Variants in SPEG observed in about 807,000 individuals in gnomAD.
SPEG encodes the protein striated muscle enriched protein kinase, also known as striated muscle preferentially expressed protein kinase.
Under a neutral mutation model 300.4 loss-of-function variants are expected in SPEG, and 114 were observed. The observed-to-expected ratio is 0.38, with a 90% confidence interval of 0.33 to 0.44. The LOEUF (loss-of-function observed/expected upper bound fraction) is 0.44. SPEG is among the 20% of genes least tolerant of loss of function. SPEG has a pLI of 1.00. For missense variants in SPEG, 4,201 were observed against 4,586.2 expected (o/e 0.92, Z 2.43); for synonymous variants, 1,964 against 2,018.9 (o/e 0.97, Z 0.73).
In SPEG at chr2:219,444,863, C is replaced by A. The variant is rs1302984755; in HGVS notation, c.517C>A (p.Pro173Thr). 3 of 1,570,476 alleles carry A rather than the reference C, an allele frequency of 1.9e-6. No individual in the cohort carries two copies. The highest frequency in any genetic ancestry group is 4.5e-5 in the East Asian group (2 of 44,516). Residue 173 changes from proline to threonine, a missense_variant, in exon 3 of 41, where the codon CCC becomes ACC. Transcript: ENST00000312358. This position sits in a 1 kb window ranked among gnomAD's most constrained non-coding sequence, Gnocchi z 7.8. Reference protein sequence around the residue: ...DTLVGTSLDTPPTSVTGTSEE... With the variant: ...DTLVGTSLDTTPTSVTGTSEE... ...CCTGGTGGGCACCTCCCTGGACACA[C>A]CCCCGACCTCCGTGACAGGCACCTC...
chr2:219,491,928 A>C, intron 39 of SPEG, 59 bp downstream of exon 39: 1 of 1,460,946 alleles, frequency 6.8e-7, no homozygotes, highest in Non-Finnish European at 9.3e-7. Flanking sequence ...TCCCGGACTC[A>C]CCTTCTGCCA....
In SPEG at chr2:219,484,441, C is replaced by G. The variant is rs1039659957; in HGVS notation, c.6978C>G (p.Asn2326Lys). Residue 2326 changes from asparagine (N) to lysine (K), a missense_variant, in exon 30 of 41, where the codon AAC (asparagine) becomes AAG (lysine). Physicochemically the swap from Asn to Lys is moderately conservative, Grantham distance 94. Coordinates refer to ENST00000312358, the MANE Select transcript of SPEG (RefSeq NM_005876.5). Reference protein sequence around the residue: ...PGSSLSSSIENLESEAVFEAK... With the variant: ...PGSSLSSSIEKLESEAVFEAK... Reference sequence around the variant, plus strand: ...GCAGTCTCAGTAGCAGCATCGAAAACTTGGAGTCGGAGGCCGTGTTCGAGG... The same window carrying G: ...GCAGTCTCAGTAGCAGCATCGAAAAGTTGGAGTCGGAGGCCGTGTTCGAGG... The G allele has an allele frequency of 2.5e-6, 4 of 1,611,424 alleles. No homozygotes were observed. The African/African-American group carries it at 5.3e-5, about 22-fold the overall frequency.
chr2:219,435,317 C>G lies in SPEG; in HGVS notation c.340C>G (p.Arg114Gly). 6.5e-7 allele frequency: 1 copy of G among 1,535,260 alleles called. No homozygotes were observed. Among genetic ancestry groups the G allele is most frequent in the Non-Finnish European group, 8.7e-7 (1 of 1,148,106 alleles). Residue 114 changes from arginine to glycine, a missense_variant, in exon 1 of 41, where the codon CGG (arginine) becomes GGG (glycine). Physicochemically the swap from Arg to Gly is moderately radical, Grantham distance 125. Around this residue, in one of 4 missense-constraint regions of SPEG, gnomAD observed 1,258 missense variants for 1,293.9 expected, o/e 0.97. Transcript: ENST00000312358. The part of the protein sequence containing the change: ...GVYSCMAQNE[R>G]GRASCEAVLT... ...GTACAGCTGCATGGCCCAGAACGAGCGGGGCCGGGCCTCCTGCGAGGCGGT... is the reference window on the plus strand; with the variant it reads ...GTACAGCTGCATGGCCCAGAACGAGGGGGGCCGGGCCTCCTGCGAGGCGGT...
intron 15 of SPEG, among the ~76,000 whole-genome samples, chr2:219,472,647 G>A (rs1434600572): frequency 6.6e-6 from 1 of 152,116 alleles, no homozygotes; most frequent in Admixed American, 6.5e-5. Flanking sequence ...CCTACCTCAG[G>A]TATCAAGGAA....
chr2:219,471,770 G>A, intron 13 of SPEG, 98 bp from the exon 14 acceptor site: 2 of 1,485,722 alleles, frequency 1.3e-6, no homozygotes, highest in Non-Finnish European at 1.8e-6. Context: ...CCTCCCTGCA[G>A]TGGATGGGGG....
At chr2:219,475,714 A>G (rs954320897) in intron 18 of SPEG, among the ~76,000 whole-genome samples, 6 of 152,180 alleles carry the variant, frequency 3.9e-5, no homozygotes, top group Admixed American at 6.5e-5. Flanking sequence ...GCCCTGCAGC[A>G]CAGCCTAGCT....
chr2:219,488,573 C>A lies in SPEG; in HGVS notation c.7934C>A (p.Pro2645His). 2 of 1,612,036 alleles carry A rather than the reference C, an allele frequency of 1.2e-6. No individual in the cohort carries two copies. Among genetic ancestry groups the A allele is most frequent in the Non-Finnish European group, 1.7e-6 (2 of 1,179,310 alleles). Residue 2645 changes from proline to histidine, a missense_variant, in exon 33 of 41, where the codon CCC becomes CAC. By Grantham distance (77) the Pro-to-His change is moderately conservative. Transcript: ENST00000312358. ...GATGGGCGGCAGCTGCTCAGCATCC[C>A]CCGGGCGGGCAAGCGGCACGCCGGT... is the stretch of plus-strand genomic sequence containing the variant. Reference protein sequence around the residue: ...CKDGRQLLSIPRAGKRHAGLY... With the variant: ...CKDGRQLLSIHRAGKRHAGLY...
Position 219,466,126 on chromosome 2 carries a change from C to T in SPEG, c.2882-1048C>T, listed in dbSNP as rs1028294893. ...CGAGCCGCGCCCCTGTCTCAGGCAC[C>T]TCTCGGACCTCGCTGTGTTTCACTG... On this transcript the variant is annotated intron_variant, in intron 9 of 40. Coordinates refer to ENST00000312358, the MANE Select transcript of SPEG (RefSeq NM_005876.5). The T allele has an allele frequency of 8.3e-6, 13 of 1,569,944 alleles. No individual in the cohort carries two copies. The Admixed American group carries it at 1.6e-4, about 20-fold the overall frequency.
Position 219,468,740 on chromosome 2 carries a change from C to T in SPEG, c.3301+4C>T, listed in dbSNP as rs114606131. On this transcript the variant is annotated splice_donor_region_variant and intron_variant, in intron 11 of 40. Transcript: ENST00000312358. ...GTTGTTACCTGGACTCATTTTGGTA[C>T]GGCCCCTGTGCTGCAGGTGTTGAGG... 6.3e-4 allele frequency: 1,010 copies of T among 1,613,828 alleles called. 8 individuals are homozygous for T. The African/African-American group carries it at 0.011, about 17-fold the overall frequency.
At chr2:219,469,699 TGTTAC>T (rs762319608) in intron 13 of SPEG, among the ~76,000 whole-genome samples, 1 of 152,154 alleles carries the variant, frequency 6.6e-6, no homozygotes, top group Non-Finnish European at 1.5e-5. Flanking sequence ...GTAATTGGGT[TGTTAC>T]GAGACTAAAT....
At chr2:219,466,020 C>A in intron 9 of SPEG, 1 of 1,589,204 alleles carries the variant, frequency 6.3e-7, no homozygotes, top group Non-Finnish European at 8.6e-7. Context: ...CTGCACTAAC[C>A]TGCCGCTTGC....
chr2:219,441,420 A>G, intron 1 of SPEG: 1 of 445,446 alleles, frequency 2.2e-6, no homozygotes, highest in South Asian at 1.6e-5. Flanking sequence ...GTCCATGTTA[A>G]CACGCAGTCC....
In SPEG at chr2:219,473,474, A is replaced by C. The variant is rs1370176450; in HGVS notation, c.4148-30A>C. 3 of 1,611,646 alleles carry C rather than the reference A, an allele frequency of 1.9e-6. No individual in the cohort carries two copies. In the South Asian group the frequency reaches 3.3e-5, roughly 18 times the overall value. On this transcript the variant is annotated intron_variant, in intron 16 of 40. Transcript: ENST00000312358. The surrounding 1 kb of genome is among the most constrained non-coding windows in gnomAD (Gnocchi z 4.6). ...GTGCTGAGGACCTGATGTCAAGCCC[A>C]GCACAGAGCCTGCGCTCTCCTCCTC...
Position 219,492,819 on chromosome 2 carries a change from A to G in SPEG, c.*33A>G, listed in dbSNP as rs780308436. The G allele has an allele frequency of 5.2e-6, 8 of 1,542,388 alleles. No homozygotes were observed. Among genetic ancestry groups the G allele is most frequent in the African/African-American group, 1.4e-5 (1 of 73,460 alleles). On this transcript the variant is annotated 3_prime_UTR_variant, in exon 41 of 41. Coordinates refer to ENST00000312358, the MANE Select transcript of SPEG (RefSeq NM_005876.5). The stretch of plus-strand genomic sequence containing the variant: ...GACCACAGCCAGGCCTCGGGCTTCA[A>G]CTGGGGTTCCCACCAATGCCACGGG...
At position 219,449,223 on chromosome 2, in the gene SPEG, C is replaced by G. The variant is rs538506677; in HGVS notation, c.2065C>G (p.Arg689Gly). Reference sequence around the variant, plus strand: ...GGGGCCCTGGGACCGCCGAGGGGCCCGCAGCCAGGGCAAAGGTCGCCGGGC... The same window carrying G: ...GGGGCCCTGGGACCGCCGAGGGGCCGGCAGCCAGGGCAAAGGTCGCCGGGC... ...PWGPWDRRGARSQGKGRRARP... is the reference protein window; with the variant it reads ...PWGPWDRRGAGSQGKGRRARP... The change falls in exon 4 of 41, where the codon CGC becomes GGC. Residue 689 changes from arginine (R) to glycine (G), a missense_variant. Transcript: ENST00000312358. 5.0e-6 allele frequency: 7 copies of G among 1,392,316 alleles called. No individual in the cohort carries two copies. Among genetic ancestry groups the G allele is most frequent in the Admixed American group, 3.7e-5 (1 of 27,060 alleles). 86.2% of individuals were successfully genotyped at this position (1,392,316 alleles called of 1,614,324 possible). A position where few individuals can be genotyped will look rare whatever the true frequency, so the allele number is the denominator to read the frequency against.
In SPEG at chr2:219,451,679, G is replaced by A. The variant is rs777921884; in HGVS notation, c.2312G>A (p.Arg771Gln). ...ALRSEGRLLL[R>Q]AEGERHTLLL... ...CGCAGCGAGGGCCGCCTCCTCCTCC[G>A]GGCTGAGGGTGAGCGGCACACCCTG... The change falls in exon 6 of 41, where the codon CGG (arginine) becomes CAG (glutamine). Residue 771 changes from arginine to glutamine, a missense_variant. Transcript: ENST00000312358. The surrounding 1 kb of genome is among the most constrained non-coding windows in gnomAD (Gnocchi z 6.4). 7.6e-6 allele frequency: 12 copies of A among 1,585,840 alleles called. No homozygotes were observed. The highest frequency in any genetic ancestry group is 7.1e-5 in the Admixed American group (4 of 56,692).
chr2:219,480,560 G>A lies in SPEG; in HGVS notation c.5343-111G>A, dbSNP rs773638449. On this transcript the variant is annotated intron_variant, in intron 25 of 40. Transcript: ENST00000312358. This position sits in a 1 kb window ranked among gnomAD's most constrained non-coding sequence, Gnocchi z 5.3. ...GCCACTCCTGTGCCCATTGTCCATG[G>A]CAGTGTTCCCAGGGAGGTAACAGCT... is the stretch of plus-strand genomic sequence containing the variant. The A allele has an allele frequency of 2.0e-5, 22 of 1,095,344 alleles. No individual in the cohort carries two copies. The highest frequency in any genetic ancestry group is 2.9e-5 in the Non-Finnish European group (21 of 712,600). The allele number at this position is 1,095,344 out of a possible 1,614,324, so 67.9% of individuals were successfully genotyped here. A position where few individuals can be genotyped will look rare whatever the true frequency, so the allele number is the denominator to read the frequency against.
rs760363653 is a variant in SPEG at position 219,441,508 on chromosome 2, T to C, written c.389-3145T>C. 7.5e-5 allele frequency: 35 copies of C among 469,786 alleles called. 1 individual carries two copies. Among genetic ancestry groups the C allele is most frequent in the South Asian group, 5.4e-4 (35 of 64,514 alleles). The allele number at this position is 469,786 out of a possible 1,614,324, so 29.1% of individuals were successfully genotyped here. A position where few individuals can be genotyped will look rare whatever the true frequency, so the allele number is the denominator to read the frequency against. On this transcript the variant is annotated intron_variant, in intron 1 of 40. Coordinates refer to ENST00000312358, the MANE Select transcript of SPEG (RefSeq NM_005876.5). ...CTGTGCCCTTCGGCGAGTTCGGTTC[T>C]GCCTGGCACAGTGTGTGTGCGCGCA...
Position 219,481,526 on chromosome 2 carries a change from C to T in SPEG, c.5522+70C>T. ...ATACCACCTGCCTGCTACTCCCAAA[C>T]TCCTGCCCCTCGACATGCAAGCCCC... On this transcript the variant is annotated intron_variant, in intron 27 of 40. Transcript: ENST00000312358. The surrounding 1 kb of genome is among the most constrained non-coding windows in gnomAD (Gnocchi z 5.4). The T allele has an allele frequency of 2.5e-6, 4 of 1,605,966 alleles. No homozygotes were observed. The highest frequency in any genetic ancestry group is 3.3e-4 in the Middle Eastern group (2 of 5,994).
Sources: gnomAD v4.1 joint callset for allele counts (sites outside exome capture counted in the v4.1 genomes callset) on GRCh38, gnomAD v4.1.1 for gene constraint, gnomAD v4.1.1 regional missense constraint, Gnocchi (gnomAD v3.1) non-coding constraint, MANE v1.5 for transcripts, NCBI Gene and HGNC (gene_info 2026-07-23, HGNC 2026-07-21) for gene names.